PDE8B: variants seen among roughly 807,000 people sequenced by gnomAD.
The protein encoded by PDE8B is high affinity cAMP-specific and IBMX-insensitive 3',5'-cyclic phosphodiesterase 8B.
A neutral mutation model predicts 101.3 loss-of-function variants in PDE8B; 26 were observed. The observed-to-expected ratio is 0.26, with a 90% CI of 0.19 to 0.36. The LOEUF is 0.36. Ranked by LOEUF, PDE8B falls within the 10% of genes least tolerant of loss-of-function variation. The pLI is 1.00. For missense variants in PDE8B, 810 were observed against 1,163.1 expected (o/e 0.70, Z 4.42); for synonymous variants, 424 against 429.3 (o/e 0.99, Z 0.15).
chr5:77,236,863 C>A (rs1754802344), intron 1 of PDE8B, among the ~76,000 whole-genome samples: 1 of 152,030 alleles, frequency 6.6e-6, no homozygotes, highest in South Asian at 2.1e-4. Context: ...TCTAATAGTT[C>A]TATTAATTAC....
chr5:77,141,170 G>A, the PDE8B span: 1 of 152,040 alleles, frequency 6.6e-6, no homozygotes, highest in African/African-American at 2.4e-5. Context: ...TTTGTTTTTA[G>A]AAAAATTGTT....
chr5:77,329,440 C>A (rs1032247512), intron 4 of PDE8B, among the ~76,000 whole-genome samples: 1 of 151,928 alleles, frequency 6.6e-6, no homozygotes, highest in Admixed American at 6.6e-5. Flanking sequence ...AGAAGAAACA[C>A]ATTTTTTTTC....
At chr5:77,382,646 T>A (rs1253529076) in intron 10 of PDE8B, among the ~76,000 whole-genome samples, 1 of 151,640 alleles carries the variant, frequency 6.6e-6, no homozygotes, top group African/African-American at 2.4e-5. Context: ...TGTCCATGTG[T>A]TCTCATTGTT....
chr5:77,260,079 G>A (rs1013583122), intron 1 of PDE8B, among the ~76,000 whole-genome samples: 9 of 147,070 alleles, frequency 6.1e-5, no homozygotes, highest in South Asian at 4.2e-4. Context: ...CAGGAGAATC[G>A]CTTGAACTCG....
the PDE8B span, among the ~76,000 whole-genome samples, chr5:77,137,195 T>C: frequency 6.6e-6 from 1 of 152,224 alleles, no homozygotes; most frequent in African/African-American, 2.4e-5. Flanking sequence ...TTCTCCATCA[T>C]CTTAAGCTGA....
rs759317693 is a variant in PDE8B at position 77,419,897 on chromosome 5, G to A, written c.2250+10G>A. 9 of 1,613,598 alleles carry A rather than the reference G, an allele frequency of 5.6e-6. No individual in the cohort carries two copies. Among genetic ancestry groups the A allele is most frequent in the Non-Finnish European group, 7.6e-6 (9 of 1,179,762 alleles). On this transcript the variant is annotated intron_variant, in intron 19 of 21. Coordinates refer to ENST00000264917, the MANE Select transcript of PDE8B (RefSeq NM_003719.5). ...GCCAATGGCAGCTGAGGTGAGTACT[G>A]CTTTCCATGCCATAAGGCACATCCA...
chr5:77,240,682 A>G lies in PDE8B; in HGVS notation c.339+29418A>G, dbSNP rs370419704. On this transcript the variant is annotated intron_variant, in intron 1 of 21. Transcript: ENST00000264917. ...TGTTATACCCACACTAATTATTCAAACACATTCAAATTGAAATTAACTAAG... is the reference window on the plus strand; with the variant it reads ...TGTTATACCCACACTAATTATTCAAGCACATTCAAATTGAAATTAACTAAG... Among the ~76,000 whole-genome samples, 38 of 152,350 alleles carry G rather than the reference A, an allele frequency of 2.5e-4. No homozygotes were observed. In the South Asian group the frequency reaches 6.8e-3, roughly 27 times the overall value.
At chr5:77,195,840 G>A in the PDE8B span, among the ~76,000 whole-genome samples, 13 of 152,218 alleles carry the variant, frequency 8.5e-5, no homozygotes, top group East Asian at 1.7e-3. Context: ...CATTCCTGTC[G>A]TCTTCATGTT....
chr5:77,250,951 T>C (rs556765662), intron 1 of PDE8B, among the ~76,000 whole-genome samples: 9 of 152,368 alleles, frequency 5.9e-5, no homozygotes, highest in African/African-American at 2.2e-4. Context: ...GTATAGATAC[T>C]GGACTAAATA....
intron 1 of PDE8B, among the ~76,000 whole-genome samples, chr5:77,262,540 C>G (rs1760836676): frequency 6.6e-6 from 1 of 152,236 alleles, no homozygotes. Flanking sequence ...GATTTCCATA[C>G]TTTATAGTTG....
intron 1 of PDE8B, among the ~76,000 whole-genome samples, chr5:77,274,228 A>C (rs1763378292): frequency 6.6e-6 from 1 of 152,192 alleles, no homozygotes; most frequent in African/African-American, 2.4e-5. Flanking sequence ...AATCCTCAAA[A>C]AATCCCTATG....
chr5:77,366,561 A>C (rs2150616406), intron 10 of PDE8B, among the ~76,000 whole-genome samples: 1 of 152,300 alleles, frequency 6.6e-6, no homozygotes, highest in South Asian at 2.1e-4. Flanking sequence ...CACTGCTGTC[A>C]GGGGCTCTTC....
chr5:77,097,627 A>G, the PDE8B span, among the ~76,000 whole-genome samples: 3 of 139,890 alleles, frequency 2.1e-5, no homozygotes, highest in Non-Finnish European at 4.6e-5. Flanking sequence ...ATATCACTTT[A>G]GCTGAAACTT....
At chr5:77,399,225 CTCT>C (rs1791717514) in intron 10 of PDE8B, among the ~76,000 whole-genome samples, 1 of 152,240 alleles carries the variant, frequency 6.6e-6, no homozygotes, top group African/African-American at 2.4e-5. Flanking sequence ...TAAGTACATG[CTCT>C]TCTTACACAA....
rs72114997 is a variant in PDE8B, at chr5:77,427,416, AAAG to A, written c.*863_*865del. On this transcript the variant is annotated 3_prime_UTR_variant, in exon 22 of 22. Transcript: ENST00000264917. ...AAGCTTTTCTTAAAAAAAAAAAAAAAAAGTTTATATACATGTTTAAAATTTTTA... is the reference window on the plus strand; with the variant it reads ...AAGCTTTTCTTAAAAAAAAAAAAAAATTTATATACATGTTTAAAATTTTTA... 15,952 of 151,988 alleles carry A rather than the reference AAAG, an allele frequency of 0.1. 1,014 individuals carry two copies. Among genetic ancestry groups the A allele is most frequent in the South Asian group, 0.16 (774 of 4,798 alleles). 9.4% of individuals were successfully genotyped at this position (151,988 alleles called of 1,614,324 possible). A position where few individuals can be genotyped will look rare whatever the true frequency, so the allele number is the denominator to read the frequency against.
At chr5:77,150,344 A>G in the PDE8B span, among the ~76,000 whole-genome samples, 1 of 152,220 alleles carries the variant, frequency 6.6e-6, no homozygotes, top group Admixed American at 6.5e-5. Flanking sequence ...AGATGCTTGC[A>G]ACATGGTTTC....
chr5:77,365,278 G>A (rs894551750), intron 10 of PDE8B, among the ~76,000 whole-genome samples: 4 of 152,176 alleles, frequency 2.6e-5, no homozygotes, highest in Admixed American at 2.0e-4. Flanking sequence ...TTCTGAGAGC[G>A]CCCCAGGGGA....
intron 1 of PDE8B, among the ~76,000 whole-genome samples, chr5:77,297,512 T>G (rs1371701042): frequency 6.6e-6 from 1 of 152,206 alleles, no homozygotes. Flanking sequence ...TTCCATGTGA[T>G]GCTGATGCTG....
chr5:77,381,215 A>G (rs1371976151), intron 10 of PDE8B, among the ~76,000 whole-genome samples: 1 of 152,198 alleles, frequency 6.6e-6, no homozygotes, highest in Non-Finnish European at 1.5e-5. Flanking sequence ...ATAGTTTGCA[A>G]GCTTACACTG....
Sources: allele counts gnomAD v4.1 joint callset (sites outside exome capture counted in the v4.1 genomes callset), GRCh38; gene constraint gnomAD v4.1.1; transcripts MANE v1.5; gene names NCBI Gene and HGNC (gene_info 2026-07-23, HGNC 2026-07-21).